MID1: variants seen among roughly 807,000 people sequenced by gnomAD.
MID1 encodes the protein midline 1, also known as E3 ubiquitin-protein ligase Midline-1.
A neutral mutation model predicts 40.4 loss-of-function variants in MID1; 7 were observed. That is an observed-to-expected ratio of 0.17 (90% confidence interval 0.10 to 0.33). The LOEUF (loss-of-function observed/expected upper bound fraction) is 0.33. Ranked by LOEUF, MID1 falls within the 10% of genes least tolerant of loss-of-function variation. The pLI, the probability that MID1 is intolerant of heterozygous loss-of-function variation, is 1.00. For synonymous variants in MID1, 229 were observed against 221.2 expected (o/e 1.04, Z -0.31); for missense variants, 367 against 558.5 (o/e 0.66, Z 3.46).
chrX:10,618,706 T>C (rs1935881532), intron 1 of MID1, among the ~76,000 whole-genome samples: 2 of 111,335 alleles, frequency 1.8e-5, no homozygotes, highest in Admixed American at 9.5e-5. Context: ...CATTCCAAGC[T>C]GGGGGAAGCA....
intron 1 of MID1, among the ~76,000 whole-genome samples, chrX:10,778,702 T>C (rs1217684052): frequency 8.9e-6 from 1 of 112,336 alleles, no homozygotes; most frequent in Admixed American, 9.4e-5. Context: ...GTGTTGGTCT[T>C]GAAAATGGAG....
intron 1 of MID1, among the ~76,000 whole-genome samples, chrX:10,587,627 T>C (rs1379029372): frequency 8.9e-6 from 1 of 112,699 alleles, no homozygotes; most frequent in Non-Finnish European, 1.9e-5. Context: ...AGCATAACAA[T>C]TGCTTTTGTT....
Position 10,474,746 on chromosome X carries a change from A to T in MID1, c.1018T>A (p.Ser340Thr). 2 of 1,208,514 alleles carry T rather than the reference A, an allele frequency of 1.7e-6. No homozygotes were observed. The highest frequency in any genetic ancestry group is 2.2e-6 in the Non-Finnish European group (2 of 892,864). Reference sequence around the variant, plus strand: ...ACCTGGGAGGATGCAGTTGCCATGGAGACTCTGTAATGCAAACAAAACAAT... The same window carrying T: ...ACCTGGGAGGATGCAGTTGCCATGGTGACTCTGTAATGCAAACAAAACAAT... ...QTAKNITERVSMATASSQVLI... is the reference protein window; with the variant it reads ...QTAKNITERVTMATASSQVLI... The change falls in exon 6 of 10, where the codon TCC becomes ACC. Residue 340 changes from serine (S) to threonine (T), a missense_variant. Around this residue, in one of 3 missense-constraint regions of MID1, gnomAD observed 275 missense variants for 383.1 expected, o/e 0.72. Transcript: ENST00000317552.
chrX:10,831,207 G>A (rs893505441), intron 1 of MID1, among the ~76,000 whole-genome samples: 3 of 111,896 alleles, frequency 2.7e-5, no homozygotes, highest in African/African-American at 9.8e-5. Flanking sequence ...CCATTGAGAA[G>A]CTTTGTTTTA....
intron 1 of MID1, among the ~76,000 whole-genome samples, chrX:10,678,881 C>G (rs1032665174): frequency 1.8e-5 from 2 of 111,761 alleles, no homozygotes; most frequent in Non-Finnish European, 3.8e-5. Flanking sequence ...TTGGCTCATA[C>G]ACCATTGATG....
intron 1 of MID1, among the ~76,000 whole-genome samples, chrX:10,633,757 T>C (rs1206043814): frequency 8.9e-6 from 1 of 112,148 alleles, no homozygotes; most frequent in Non-Finnish European, 1.9e-5. Flanking sequence ...CACAGCCTTG[T>C]ACATGTAAAT....
intron 1 of MID1, among the ~76,000 whole-genome samples, chrX:10,634,226 G>T (rs1048115252): frequency 8.9e-6 from 1 of 111,784 alleles, no homozygotes; most frequent in Non-Finnish European, 1.9e-5. Flanking sequence ...CTGTGGGCAG[G>T]AAGAACAGGA....
intron 1 of MID1, among the ~76,000 whole-genome samples, chrX:10,833,193 G>T (rs2044263758): frequency 8.9e-6 from 1 of 112,155 alleles, no homozygotes; most frequent in African/African-American, 3.2e-5. Context: ...ACCCCATTTA[G>T]ATTTACTATC....
intron 1 of MID1, among the ~76,000 whole-genome samples, chrX:10,777,864 C>T (rs1367144552): frequency 9.0e-6 from 1 of 111,498 alleles, no homozygotes; most frequent in African/African-American, 3.3e-5. Context: ...TGCACATTAG[C>T]CTAGGCCTAC....
At chrX:10,778,181 G>A (rs1012338057) in intron 1 of MID1, among the ~76,000 whole-genome samples, 2 of 111,101 alleles carry the variant, frequency 1.8e-5, no homozygotes, top group Non-Finnish European at 3.8e-5. Context: ...CTATACGACT[G>A]GCAGTACAGC....
chrX:10,813,014 T>C (rs2044112495), intron 1 of MID1, among the ~76,000 whole-genome samples: 1 of 111,508 alleles, frequency 9.0e-6, no homozygotes, highest in Non-Finnish European at 1.9e-5. Context: ...AACATCAATC[T>C]GCAGGTTTTT....
At chrX:10,671,695 T>A (rs1270094709) in intron 1 of MID1, among the ~76,000 whole-genome samples, 1 of 110,876 alleles carries the variant, frequency 9.0e-6, no homozygotes, top group African/African-American at 3.3e-5. Flanking sequence ...CTGTCCTTAG[T>A]ATTTCTCAAA....
intron 1 of MID1, among the ~76,000 whole-genome samples, chrX:10,610,313 A>G (rs1439593924): frequency 2.7e-5 from 3 of 112,292 alleles, no homozygotes; most frequent in African/African-American, 9.7e-5. Flanking sequence ...GGGATTTTTA[A>G]TACAGATACA....
intron 2 of MID1, among the ~76,000 whole-genome samples, chrX:10,551,999 A>C (rs1933927456): frequency 9.1e-6 from 1 of 110,258 alleles, no homozygotes; most frequent in African/African-American, 3.3e-5. Context: ...TATGTTGCCC[A>C]GGCTGGTGTT....
chrX:10,780,012 C>T (rs2043834087), intron 1 of MID1, among the ~76,000 whole-genome samples: 1 of 109,291 alleles, frequency 9.1e-6, no homozygotes, highest in African/African-American at 3.3e-5. Flanking sequence ...GGCTGGAGGG[C>T]AGTGGTGTGA....
intron 2 of MID1, among the ~76,000 whole-genome samples, chrX:10,548,943 A>G (rs746485929): frequency 2.7e-5 from 3 of 112,161 alleles, no homozygotes; most frequent in African/African-American, 9.7e-5. Flanking sequence ...GAGATTTTCA[A>G]CTGATTCCTT....
intron 8 of MID1, among the ~76,000 whole-genome samples, chrX:10,456,416 C>T (rs1253048464): frequency 8.9e-6 from 1 of 112,561 alleles, no homozygotes; most frequent in Non-Finnish European, 1.9e-5. Flanking sequence ...ACGGACAGGA[C>T]AATAGGTAAA....
chrX:10,567,652 AG>A, intron 1 of MID1, 49 bp from the exon 2 acceptor site: 1 of 909,994 alleles, frequency 1.1e-6, no homozygotes, highest in Non-Finnish European at 1.6e-6. Context: ...GGTCAACCAT[AG>A]GGGGGTGTCA....
rs774448017 is a variant in MID1, at chrX:10,709,470, G to C, written c.-186-89051C>G. Among the ~76,000 whole-genome samples, 4 of 112,032 alleles carry C rather than the reference G, an allele frequency of 3.6e-5. No homozygotes were observed. In the Admixed American group the frequency reaches 3.8e-4, roughly 11 times the overall value. ...AGAGACAGAACAGCAGGCTTCAGGC[G>C]GGTTAGGCGAGTTTTGCCCTTTCTG... On this transcript the variant is annotated intron_variant, in intron 1 of 10. Transcript: ENST00000380785.
Sources: gnomAD v4.1 joint callset for allele counts (sites outside exome capture counted in the v4.1 genomes callset) on GRCh38, gnomAD v4.1.1 for gene constraint, gnomAD v4.1.1 regional missense constraint, MANE v1.5 for transcripts, NCBI Gene and HGNC (gene_info 2026-07-23, HGNC 2026-07-21) for gene names.